The following ANKRD36C variants were observed in gnomAD, a reference collection of about 807,000 sequenced individuals.
ANKRD36C encodes the protein ankyrin repeat domain 36C.
In ANKRD36C, 61 loss-of-function variants were observed where a neutral mutation model predicts 276.4. The ratio of observed to expected loss-of-function variants is 0.22; its 90% confidence interval spans 0.18 to 0.27. ANKRD36C has a LOEUF of 0.27. ANKRD36C is among the 10% of genes least tolerant of loss of function. The pLI is 1.00. For synonymous variants in ANKRD36C, 483 were observed against 680.1 expected (o/e 0.71, Z 4.51); for missense variants, 1,447 against 2,032.3 (o/e 0.71, Z 5.54).
At chr2:95,917,793 G>C (rs1677145958) in intron 36 of ANKRD36C, 62 bp downstream of exon 38, 2 of 1,542,340 alleles carry the variant, frequency 1.3e-6, no homozygotes, top group Admixed American at 3.9e-5. Context: ...GATTTATTCA[G>C]GGTAGAGAAG....
intron 12 of ANKRD36C, among the ~76,000 whole-genome samples, chr2:95,957,256 G>A (rs1455449496): frequency 6.6e-6 from 1 of 152,310 alleles, no homozygotes; most frequent in Non-Finnish European, 1.5e-5. Context: ...GAAAGTTGAA[G>A]TGAGCCAGGA....
chr2:95,874,556 G>C (rs1411792904), intron 59 of ANKRD36C, among the ~76,000 whole-genome samples: 1 of 152,200 alleles, frequency 6.6e-6, no homozygotes, highest in Non-Finnish European at 1.5e-5. Context: ...TTAAACGTTA[G>C]ACCTAAAACC....
chr2:95,962,400 T>A (rs760098161), exon 8 of ANKRD36C: 2 of 1,568,646 alleles, frequency 1.3e-6, no homozygotes, highest in South Asian at 1.2e-5. Context: ...ATATTCGAGA[T>A]AGAATCTTCC....
rs763350723 is a variant in ANKRD36C at position 95,962,529 on chromosome 2, G to A, written c.818C>T (p.Pro273Leu). ...TGAATGTGTAATTACCTTCAAGGCT[G>A]GTTGTTTCTGAGAAGACACTGAAAA... is the stretch of plus-strand genomic sequence containing the variant. Residue 273 changes from proline (P) to leucine (L), a missense_variant, in exon 7 of 67, where the codon CCA becomes CTA. By Grantham distance (98) the Pro-to-Leu change is moderately conservative. Around this residue, in one of 13 missense-constraint regions of ANKRD36C, gnomAD observed 158 missense variants for 218.0 expected, o/e 0.72. Coordinates refer to ENST00000456556, the Ensembl canonical transcript of ANKRD36C. The A allele has an allele frequency of 3.7e-6, 6 of 1,600,776 alleles. No individual in the cohort carries two copies. The African/African-American group carries it at 8.0e-5, about 21-fold the overall frequency.
intron 34 of ANKRD36C, among the ~76,000 whole-genome samples, chr2:95,919,248 C>T (rs1450983129): frequency 7.5e-6 from 1 of 133,890 alleles, no homozygotes; most frequent in African/African-American, 2.5e-5. Context: ...TTCCCTCCTT[C>T]CTGCCTGACA....
At chr2:95,949,230 T>C (rs199825761) in intron 16 of ANKRD36C, among the ~76,000 whole-genome samples, 780 of 105,540 alleles carry the variant, frequency 7.4e-3, no homozygotes, top group East Asian at 0.021. Flanking sequence ...GGGAATATTC[T>C]TCACAGAAGA....
intron 3 of ANKRD36C, chr2:95,986,544 TA>T: frequency 1.6e-6 from 1 of 614,826 alleles, no homozygotes; most frequent in Non-Finnish European, 2.7e-6. Flanking sequence ...TTATTTACCA[TA>T]AGTGCATGAA....
intron 58 of ANKRD36C, among the ~76,000 whole-genome samples, chr2:95,879,411 C>A (rs138562995): frequency 0.085 from 12,779 of 151,222 alleles, 763 homozygotes; most frequent in Non-Finnish European, 0.13. Flanking sequence ...CTACAGTCAG[C>A]AATAACTTGT....
intron 46 of ANKRD36C, among the ~76,000 whole-genome samples, chr2:95,891,279 T>C (rs1676347315): frequency 6.6e-6 from 1 of 151,454 alleles, no homozygotes; most frequent in Admixed American, 6.6e-5. Context: ...TACGGGTTGT[T>C]ACAACAAGCT....
rs368381824 is a variant in ANKRD36C, at chr2:95,887,573, T to C, written c.3061+352A>G. 8.6e-5 allele frequency among the ~76,000 whole-genome samples: 13 copies of C among 151,870 alleles called. No individual in the cohort carries two copies. In the East Asian group the frequency reaches 2.1e-3, roughly 25 times the overall value. ...TTCTGTCTTTTTTATAGCAGTATGA[T>C]GTGACATCTATAAAATCTATACTTC... On this transcript the variant is annotated intron_variant, in intron 50 of 66. Transcript: ENST00000456556.
chr2:95,957,939 C>T (rs1396807355), intron 12 of ANKRD36C, among the ~76,000 whole-genome samples: 1 of 152,040 alleles, frequency 6.6e-6, no homozygotes, highest in Non-Finnish European at 1.5e-5. Context: ...AGAGGGGTAA[C>T]AGGTGACTGT....
chr2:95,969,666 T>C (rs2104519088), intron 6 of ANKRD36C, among the ~76,000 whole-genome samples: 1 of 152,296 alleles, frequency 6.6e-6, no homozygotes, highest in South Asian at 2.1e-4. Context: ...TTCTGACATA[T>C]AGTCAAATAG....
At chr2:95,916,697 A>G (rs912322274) in intron 36 of ANKRD36C, among the ~76,000 whole-genome samples, 15 of 151,626 alleles carry the variant, frequency 9.9e-5, no homozygotes, top group Middle Eastern at 3.2e-3. Context: ...TAAATTGATC[A>G]CCTTGGATAT....
At chr2:95,902,689 G>A (rs1676690385) in intron 42 of ANKRD36C, among the ~76,000 whole-genome samples, 197 bp downstream of exon 54, 1 of 150,334 alleles carries the variant, frequency 6.7e-6, no homozygotes, top group Admixed American at 6.7e-5. Flanking sequence ...ATATGGGGAA[G>A]TGTATAATCT....
At chr2:95,892,516 G>T (rs541154639) in intron 44 of ANKRD36C, among the ~76,000 whole-genome samples, 1 of 151,348 alleles carries the variant, frequency 6.6e-6, no homozygotes. Flanking sequence ...TCATCCAGTC[G>T]TGGCACCAAA....
intron 61 of ANKRD36C, 142 bp from the exon 82 acceptor site, chr2:95,857,634 C>G: frequency 4.7e-6 from 3 of 636,528 alleles, no homozygotes; most frequent in Non-Finnish European, 8.0e-6. Flanking sequence ...TTTTATTTGA[C>G]CCTGTATATT....
chr2:95,960,427 C>T (rs1302730545), intron 10 of ANKRD36C, 46 bp downstream of exon 10: 1 of 1,539,472 alleles, frequency 6.5e-7, no homozygotes, highest in African/African-American at 1.4e-5. Context: ...GGAAGTTCTC[C>T]TCTATCTTCA....
intron 34 of ANKRD36C, 121 bp downstream of exon 34, chr2:95,921,486 C>T (rs1573768868): frequency 7.3e-7 from 1 of 1,367,584 alleles, no homozygotes. Context: ...CTCAGGCCTA[C>T]TGAATCAGAA....
intron 61 of ANKRD36C, among the ~76,000 whole-genome samples, chr2:95,859,034 G>A (rs1000005662): frequency 6.6e-6 from 1 of 151,550 alleles, no homozygotes; most frequent in Non-Finnish European, 1.5e-5. Flanking sequence ...GAATAAAACT[G>A]GATACTTTTT....
Sources: gnomAD v4.1 joint callset for allele counts (sites outside exome capture counted in the v4.1 genomes callset) on GRCh38, gnomAD v4.1.1 for gene constraint, gnomAD v4.1.1 regional missense constraint, MANE v1.5 for transcripts, NCBI Gene and HGNC (gene_info 2026-07-23, HGNC 2026-07-21) for gene names.